The following MAGI2 variants were observed in gnomAD, a reference collection of about 807,000 sequenced individuals.
MAGI2 encodes membrane associated guanylate kinase, WW and PDZ domain containing 2, also known as membrane-associated guanylate kinase, WW and PDZ domain-containing protein 2.
Under a neutral mutation model 133.3 loss-of-function variants are expected in MAGI2, and 35 were observed. The observed-to-expected ratio is 0.26, with a 90% CI of 0.20 to 0.35. The LOEUF (loss-of-function observed/expected upper bound fraction) is 0.35. Among genes scored for constraint, MAGI2 ranks in the 10% least tolerant of loss-of-function variants. The pLI, the probability that MAGI2 is intolerant of heterozygous loss-of-function variation, is 1.00. For synonymous variants in MAGI2, 729 were observed against 710.6 expected, an observed-to-expected ratio of 1.03 and a Z score of -0.41; for missense variants, 1,636 against 1,863.4, an observed-to-expected ratio of 0.88 and a Z score of 2.25.
intron 2 of MAGI2, chr7:79,000,141 T>TGTAGTTGA (rs1196252658): frequency 2.0e-5 from 3 of 152,176 alleles, no homozygotes; most frequent in African/African-American, 7.2e-5. Flanking sequence ...AACGTGGAGC[T>TGTAGTTGA]ACAGTTCAAC....
intron 1 of MAGI2, among the ~76,000 whole-genome samples, chr7:79,215,174 T>C (rs2129553049): frequency 6.6e-6 from 1 of 151,156 alleles, no homozygotes; most frequent in Admixed American, 6.6e-5. Context: ...TGACCAGCGT[T>C]AACATTAAAA....
At chr7:78,713,313 A>G (rs1250079722) in intron 2 of MAGI2, among the ~76,000 whole-genome samples, 1 of 152,190 alleles carries the variant, frequency 6.6e-6, no homozygotes. Flanking sequence ...CTTATGTACT[A>G]GGCCCTATGC....
chr7:79,075,131 G>C (rs991750485), intron 1 of MAGI2, among the ~76,000 whole-genome samples: 1 of 152,084 alleles, frequency 6.6e-6, no homozygotes, highest in Non-Finnish European at 1.5e-5. Context: ...TTCTCTTCTC[G>C]ATCTTCTCTC....
chr7:79,062,087 A>T (rs768231183), intron 1 of MAGI2, among the ~76,000 whole-genome samples: 1 of 152,060 alleles, frequency 6.6e-6, no homozygotes, highest in Non-Finnish European at 1.5e-5. Context: ...TTGCCACCCT[A>T]TTGGCCCACA....
chr7:78,882,120 C>CAAAAAAAAAAAAAGAAAAG (rs369350656), intron 2 of MAGI2, among the ~76,000 whole-genome samples: 1 of 58,984 alleles, frequency 1.7e-5, no homozygotes, highest in Non-Finnish European at 3.3e-5. Context: ...AAAAGAAAAA[C>CAAAAAAAAAAAAAGAAAAG]AAAAAAAAAA....
At chr7:79,298,938 G>A (rs12670981) in intron 1 of MAGI2, among the ~76,000 whole-genome samples, 141,768 of 152,214 alleles carry the variant, frequency 0.93, 66,382 homozygotes, top group Non-Finnish European at 0.98. Context: ...TTAATCTCAG[G>A]CTTCTAATCT....
intron 6 of MAGI2, among the ~76,000 whole-genome samples, chr7:78,382,401 AG>A (rs1795009045): frequency 6.6e-6 from 1 of 152,130 alleles, no homozygotes; most frequent in South Asian, 2.1e-4. Flanking sequence ...ATAACAAATG[AG>A]CTTACATGTG....
chr7:78,392,115 C>G (rs7807057), intron 6 of MAGI2, among the ~76,000 whole-genome samples: 1 of 152,070 alleles, frequency 6.6e-6, no homozygotes, highest in African/African-American at 2.4e-5. Context: ...TTGCCTCAAA[C>G]ACTTTACCAT....
At chr7:79,389,904 T>C (rs1044576755) in intron 1 of MAGI2, among the ~76,000 whole-genome samples, 4 of 152,254 alleles carry the variant, frequency 2.6e-5, no homozygotes, top group South Asian at 2.1e-4. Context: ...GAGACTCCTA[T>C]GCAAAACTGA....
chr7:78,657,400 T>G lies in MAGI2; in HGVS notation c.419-30161A>C, dbSNP rs531981570. On this transcript the variant is annotated intron_variant, in intron 2 of 21. Transcript: ENST00000354212. ...TGTTTGTAGAATCTTTATTCACAAT[T>G]GCCAAAACTTGGAAGCAACCAAGAT... is the stretch of plus-strand genomic sequence containing the variant. Among the ~76,000 whole-genome samples the G allele has an allele frequency of 7.9e-5, 12 of 152,332 alleles. No homozygotes were observed. In the South Asian group the frequency reaches 2.3e-3, roughly 29 times the overall value.
At chr7:78,578,392 G>A (rs988942797) in intron 3 of MAGI2, among the ~76,000 whole-genome samples, 2 of 152,072 alleles carry the variant, frequency 1.3e-5, no homozygotes, top group Non-Finnish European at 2.9e-5. Flanking sequence ...AAACCCATCA[G>A]TATGTTAAAC....
intron 1 of MAGI2, among the ~76,000 whole-genome samples, chr7:79,138,456 A>G (rs1368975850): frequency 1.3e-5 from 2 of 152,228 alleles, no homozygotes; most frequent in African/African-American, 4.8e-5. Flanking sequence ...AAAATTTATC[A>G]TGTATGAATA....
intron 9 of MAGI2, among the ~76,000 whole-genome samples, chr7:78,296,943 C>T (rs370904679): frequency 6.6e-6 from 1 of 152,308 alleles, no homozygotes; most frequent in South Asian, 2.1e-4. Flanking sequence ...GAGGAGAAGT[C>T]ATGTGCTATA....
At chr7:78,696,637 AG>A (rs887921432) in intron 2 of MAGI2, among the ~76,000 whole-genome samples, 9 of 152,126 alleles carry the variant, frequency 5.9e-5, no homozygotes. Flanking sequence ...AAAAAGTAAC[AG>A]GCTTCTTTTA....
rs774416250 is a variant in MAGI2, at chr7:78,992,769, G to C, written c.418+14321C>G. On this transcript the variant is annotated intron_variant, in intron 2 of 21. Coordinates refer to ENST00000354212, the MANE Select transcript of MAGI2 (RefSeq NM_012301.4). ...ATATCATGATTCTTTAATGAGCTTT[G>C]AGGCAAAGAAATAATGTTAGAACCT... 7.2e-5 allele frequency among the ~76,000 whole-genome samples: 11 copies of C among 151,786 alleles called. 1 individual carries two copies. Among genetic ancestry groups the C allele is most frequent in the Non-Finnish European group, 8.8e-5 (6 of 67,916 alleles).
chr7:78,806,123 C>G (rs1292409971), intron 2 of MAGI2, among the ~76,000 whole-genome samples: 2 of 152,094 alleles, frequency 1.3e-5, no homozygotes, highest in South Asian at 2.1e-4. Context: ...TACACTTTGA[C>G]TTTATATAAG....
At chr7:78,590,141 A>G (rs1803847860) in intron 3 of MAGI2, among the ~76,000 whole-genome samples, 1 of 152,206 alleles carries the variant, frequency 6.6e-6, no homozygotes, top group African/African-American at 2.4e-5. Flanking sequence ...GTTTTGCAGG[A>G]AGACTGTTGT....
intron 2 of MAGI2, among the ~76,000 whole-genome samples, chr7:78,721,405 T>TA (rs1161867484): frequency 5.9e-5 from 9 of 151,996 alleles, no homozygotes; most frequent in African/African-American, 1.9e-4. Context: ...TAGGTTCCTT[T>TA]AAAAAAATCA....
chr7:78,434,348 C>G (rs1030145099), intron 6 of MAGI2, among the ~76,000 whole-genome samples: 1 of 152,162 alleles, frequency 6.6e-6, no homozygotes, highest in African/African-American at 2.4e-5. Context: ...TACACAGAAG[C>G]CTTCAAGGGC....
Sources: gnomAD v4.1 joint callset for allele counts (sites outside exome capture counted in the v4.1 genomes callset) on GRCh38, gnomAD v4.1.1 for gene constraint, MANE v1.5 for transcripts, NCBI Gene and HGNC (gene_info 2026-07-23, HGNC 2026-07-21) for gene names.